The following TRAK1 variants were observed in gnomAD, a reference collection of about 807,000 sequenced individuals.
The protein encoded by TRAK1 is trafficking kinesin-binding protein 1.
Under a neutral mutation model 92.1 loss-of-function variants are expected in TRAK1, and 33 were observed. The ratio of observed to expected loss-of-function variants is 0.36; its 90% confidence interval spans 0.27 to 0.48. The LOEUF is 0.48. Ranked by LOEUF, TRAK1 falls within the 20% of genes least tolerant of loss-of-function variation. The pLI is 0.99. For synonymous variants in TRAK1, 521 were observed against 517.3 expected (o/e 1.01, Z -0.10); for missense variants, 1,123 against 1,257.9 (o/e 0.89, Z 1.62).
At chr3:42,164,375 G>A (rs906083915) in intron 2 of TRAK1, among the ~76,000 whole-genome samples, 3 of 152,194 alleles carry the variant, frequency 2.0e-5, no homozygotes, top group African/African-American at 7.2e-5. Context: ...CACCTTATGG[G>A]ATAATAGGCA....
chr3:42,193,727 A>C (rs1706165036), intron 8 of TRAK1, 97 bp from the exon 9 acceptor site: 1 of 1,228,792 alleles, frequency 8.1e-7, no homozygotes, highest in African/African-American at 1.5e-5. Flanking sequence ...GTCCTTGTAG[A>C]AAGTGATGAG....
At chr3:42,187,173 T>C (rs1284697691) in intron 4 of TRAK1, among the ~76,000 whole-genome samples, 1 of 152,180 alleles carries the variant, frequency 6.6e-6, no homozygotes, top group Non-Finnish European at 1.5e-5. Flanking sequence ...CTAGTAAGCA[T>C]TGAGCACGGA....
At chr3:42,214,786 C>T (rs557292183) in intron 14 of TRAK1, among the ~76,000 whole-genome samples, 1 of 152,292 alleles carries the variant, frequency 6.6e-6, no homozygotes, top group African/African-American at 2.4e-5. Context: ...CCGAGGAGCT[C>T]AGGGACCTCT....
chr3:42,101,978 A>G (rs1253068618), intron 1 of TRAK1, among the ~76,000 whole-genome samples: 1 of 152,152 alleles, frequency 6.6e-6, no homozygotes, highest in Non-Finnish European at 1.5e-5. Context: ...AGTATGAAAT[A>G]TCACGTACTT....
chr3:42,024,480 T>C (rs183875961), intron 1 of TRAK1, among the ~76,000 whole-genome samples: 1 of 152,368 alleles, frequency 6.6e-6, no homozygotes, highest in East Asian at 1.9e-4. Flanking sequence ...TTTGAAGTTT[T>C]ATAATTTTGC....
rs540652056 is a variant in TRAK1 at position 42,122,889 on chromosome 3, A to G, written c.92-2531A>G. 2.0e-5 allele frequency among the ~76,000 whole-genome samples: 3 copies of G among 152,262 alleles called. No individual in the cohort carries two copies. In the South Asian group the frequency reaches 6.2e-4, roughly 32 times the overall value. On this transcript the variant is annotated intron_variant, in intron 1 of 15. Coordinates refer to ENST00000327628, the MANE Select transcript of TRAK1 (RefSeq NM_001042646.3). ...TGAAATACCAAGTATGCTTGCTGTG[A>G]CATTTCCCCCATGAGGCAGAGAAGT...
At chr3:42,029,072 T>C (rs1325459236) in intron 1 of TRAK1, among the ~76,000 whole-genome samples, 1 of 152,058 alleles carries the variant, frequency 6.6e-6, no homozygotes, top group Non-Finnish European at 1.5e-5. Context: ...AGCACTTCAC[T>C]TGGCTGGAGC....
chr3:42,078,627 C>T (rs1341867672), intron 1 of TRAK1, among the ~76,000 whole-genome samples: 1 of 151,790 alleles, frequency 6.6e-6, no homozygotes, highest in African/African-American at 2.4e-5. Flanking sequence ...GTGGCGGGTG[C>T]CTGTAGTCCC....
At chr3:42,220,386 C>A in intron 15 of TRAK1, 2 of 708,612 alleles carry the variant, frequency 2.8e-6, no homozygotes, top group Non-Finnish European at 3.5e-6. Flanking sequence ...AGTAGAACGA[C>A]CCCCTCAGCT....
At chr3:42,146,933 T>C (rs186536816) in intron 2 of TRAK1, among the ~76,000 whole-genome samples, 11 of 152,362 alleles carry the variant, frequency 7.2e-5, no homozygotes, top group Admixed American at 1.3e-4. Context: ...CTGGCGAACA[T>C]TGCTGATTTT....
At chr3:42,153,911 A>T (rs138078038) in intron 2 of TRAK1, among the ~76,000 whole-genome samples, 1,530 of 152,240 alleles carry the variant, frequency 0.01, 27 homozygotes, top group African/African-American at 0.035. Flanking sequence ...GTGAAGGTAG[A>T]GGTTGACTTC....
intron 1 of TRAK1, among the ~76,000 whole-genome samples, chr3:42,050,073 G>T (rs1000443050): frequency 3.9e-5 from 6 of 152,158 alleles, no homozygotes; most frequent in African/African-American, 1.4e-4. Flanking sequence ...GACTGTTTGG[G>T]TATTGGTAGT....
intron 1 of TRAK1, among the ~76,000 whole-genome samples, chr3:42,094,866 A>G (rs1362191116): frequency 6.6e-6 from 1 of 152,190 alleles, no homozygotes; most frequent in Non-Finnish European, 1.5e-5. Context: ...ACCCAATGGT[A>G]TAGTTGCAGT....
chr3:42,191,421 T>A, intron 6 of TRAK1, 137 bp from the exon 7 acceptor site: 1 of 637,250 alleles, frequency 1.6e-6, no homozygotes, highest in South Asian at 2.1e-5. Context: ...TATTTGAGGG[T>A]ACGATGGGTG....
intron 2 of TRAK1, among the ~76,000 whole-genome samples, chr3:42,169,686 AAG>A (rs1702309637): frequency 6.6e-6 from 1 of 150,488 alleles, no homozygotes. Context: ...AAAAAAAAAA[AAG>A]TGGGGATAAA....
chr3:42,140,001 C>T (rs1219890856), intron 2 of TRAK1, among the ~76,000 whole-genome samples: 1 of 152,182 alleles, frequency 6.6e-6, no homozygotes, highest in Non-Finnish European at 1.5e-5. Context: ...GAGGCAGACT[C>T]AGAACCATGC....
chr3:42,074,727 T>C (rs1704077121), intron 1 of TRAK1, among the ~76,000 whole-genome samples: 1 of 151,870 alleles, frequency 6.6e-6, no homozygotes, highest in Admixed American at 6.6e-5. Flanking sequence ...AGTACATGTA[T>C]AGGTTTATTA....
chr3:42,094,345 A>G (rs1576312972), intron 1 of TRAK1, among the ~76,000 whole-genome samples: 2 of 152,208 alleles, frequency 1.3e-5, no homozygotes, highest in Admixed American at 1.3e-4. Context: ...AACTTGAGCA[A>G]GTCAGGCTGA....
chr3:42,179,958 C>T (rs954303798), intron 3 of TRAK1, among the ~76,000 whole-genome samples: 2 of 151,908 alleles, frequency 1.3e-5, no homozygotes, highest in African/African-American at 4.8e-5. Flanking sequence ...GTCTTAAACT[C>T]CTGGCCTTCT....
Sources: gnomAD v4.1 joint callset for allele counts (sites outside exome capture counted in the v4.1 genomes callset) on GRCh38, gnomAD v4.1.1 for gene constraint, MANE v1.5 for transcripts, NCBI Gene and HGNC (gene_info 2026-07-23, HGNC 2026-07-21) for gene names.